The following GRM7 variants were observed in gnomAD, a reference collection of about 807,000 sequenced individuals.
The protein encoded by GRM7 is metabotropic glutamate receptor 7.
Under a neutral mutation model 84.5 loss-of-function variants are expected in GRM7, and 35 were observed. That is an observed-to-expected ratio of 0.41 (90% CI 0.32 to 0.55). GRM7 has a LOEUF of 0.55. Ranked by LOEUF, GRM7 falls within the 20% of genes least tolerant of loss-of-function variation. The pLI, the probability that GRM7 is intolerant of heterozygous loss-of-function variation, is 0.19. For synonymous variants in GRM7, 487 were observed against 455.1 expected (o/e 1.07, Z -0.89); for missense variants, 1,003 against 1,194.6 (o/e 0.84, Z 2.36).
At chr3:7,284,881 C>T (rs1235019689) in intron 2 of GRM7, among the ~76,000 whole-genome samples, 1 of 151,992 alleles carries the variant, frequency 6.6e-6, no homozygotes, top group South Asian at 2.1e-4. Context: ...GAGTTCACTT[C>T]CCTATAAAAT....
At position 7,609,845 on chromosome 3, in the gene GRM7, T is replaced by A. The variant is rs549963746; in HGVS notation, c.2451+30488T>A. 1.3e-4 allele frequency among the ~76,000 whole-genome samples: 20 copies of A among 152,264 alleles called. No homozygotes were observed. The South Asian group carries it at 2.1e-3, about 16-fold the overall frequency. ...AAACCTACTTTGACAACCACTCCTT[T>A]AAAGAAGGAAAAATAAAACAAGTGA... is the stretch of plus-strand genomic sequence containing the variant. On this transcript the variant is annotated intron_variant, in intron 8 of 9. Coordinates refer to ENST00000357716, the MANE Select transcript of GRM7 (RefSeq NM_000844.4).
chr3:6,888,718 G>C (rs866030129), intron 1 of GRM7, among the ~76,000 whole-genome samples: 389 of 152,058 alleles, frequency 2.6e-3, no homozygotes, highest in African/African-American at 8.2e-3. Flanking sequence ...GATGCGGGCT[G>C]TTTTTTGGTT....
chr3:7,199,874 C>T (rs954243732), intron 2 of GRM7, among the ~76,000 whole-genome samples: 2 of 152,138 alleles, frequency 1.3e-5, no homozygotes, highest in Admixed American at 1.3e-4. Context: ...TAACATCATG[C>T]CAGACCTTCT....
chr3:7,447,764 T>C (rs1697581078), intron 5 of GRM7, among the ~76,000 whole-genome samples: 1 of 151,868 alleles, frequency 6.6e-6, no homozygotes, highest in Admixed American at 6.6e-5. Context: ...ATTTTATTAT[T>C]ATACTTTAAG....
At chr3:7,252,928 G>A (rs1358705382) in intron 2 of GRM7, among the ~76,000 whole-genome samples, 2 of 144,980 alleles carry the variant, frequency 1.4e-5, no homozygotes, top group African/African-American at 5.1e-5. Flanking sequence ...TTGACCTCGT[G>A]ATCCACCTGC....
chr3:7,523,806 A>T (rs1700688807), intron 7 of GRM7, among the ~76,000 whole-genome samples: 2 of 152,126 alleles, frequency 1.3e-5, no homozygotes, highest in South Asian at 4.1e-4. Context: ...TTAAGGACAG[A>T]TATGGAAATG....
chr3:7,717,481 C>T (rs139478947), intron 9 of GRM7, among the ~76,000 whole-genome samples: 50 of 152,232 alleles, frequency 3.3e-4, no homozygotes, highest in African/African-American at 1.0e-3. Context: ...CTTTCAAATA[C>T]ATCATCTCTG....
chr3:7,171,376 G>A (rs1269425948), intron 2 of GRM7, among the ~76,000 whole-genome samples: 1 of 152,060 alleles, frequency 6.6e-6, no homozygotes, highest in Non-Finnish European at 1.5e-5. Context: ...TAATTTTGGA[G>A]AGATTACCTC....
intron 8 of GRM7, among the ~76,000 whole-genome samples, chr3:7,603,117 T>C (rs3804876): frequency 0.014 from 2,086 of 152,248 alleles, 48 homozygotes; most frequent in East Asian, 0.1. Flanking sequence ...GCCACCACCA[T>C]TGAATATTGC....
intron 5 of GRM7, among the ~76,000 whole-genome samples, chr3:7,438,409 G>T (rs1697147711): frequency 6.6e-6 from 1 of 151,960 alleles, no homozygotes; most frequent in Admixed American, 6.6e-5. Context: ...GTACACAGCT[G>T]AATGTATCAG....
At position 6,992,886 on chromosome 3, in the gene GRM7, AATGCAGCACCCTGTGACAC is replaced by A. The variant is rs1204767730; in HGVS notation, c.519+130981_519+130999del. On this transcript the variant is annotated intron_variant, in intron 1 of 9. Coordinates refer to ENST00000357716, the MANE Select transcript of GRM7 (RefSeq NM_000844.4). ...AGGTAGATAGCCCAGTCAATGAGACAATGCAGCACCCTGTGACACAGATCAGGGCAGAGAAAGATAGGAG... is the reference window on the plus strand; with the variant it reads ...AGGTAGATAGCCCAGTCAATGAGACAAGATCAGGGCAGAGAAAGATAGGAG... Among the ~76,000 whole-genome samples the A allele has an allele frequency of 2.0e-5, 3 of 152,360 alleles. No homozygotes were observed. The East Asian group carries it at 5.8e-4, about 29-fold the overall frequency.
intron 4 of GRM7, among the ~76,000 whole-genome samples, chr3:7,344,986 A>T: frequency 6.6e-6 from 1 of 152,256 alleles, no homozygotes; most frequent in Non-Finnish European, 1.5e-5. Context: ...TTCTGATTTG[A>T]TCATTACACA....
chr3:7,143,136 A>AT (rs1296883517), intron 1 of GRM7, among the ~76,000 whole-genome samples: 1 of 152,184 alleles, frequency 6.6e-6, no homozygotes, highest in African/African-American at 2.4e-5. Flanking sequence ...ATATCTAGAT[A>AT]TTTGAGTGAA....
At chr3:7,589,925 A>AT (rs3840239) in intron 8 of GRM7, among the ~76,000 whole-genome samples, 3,156 of 152,112 alleles carry the variant, frequency 0.021, 96 homozygotes, top group East Asian at 0.094. Flanking sequence ...ACCAACAGTG[A>AT]TTTTTTTGAT....
chr3:7,435,262 C>G (rs969823645), intron 5 of GRM7, among the ~76,000 whole-genome samples: 5 of 151,718 alleles, frequency 3.3e-5, no homozygotes, highest in African/African-American at 4.8e-5. Context: ...TTCCAGGGCT[C>G]AAGCAATTCT....
chr3:7,046,108 C>T (rs1304312550), intron 1 of GRM7, among the ~76,000 whole-genome samples: 4 of 151,998 alleles, frequency 2.6e-5, no homozygotes, highest in Admixed American at 2.0e-4. Flanking sequence ...GTTGACTTTC[C>T]CTGATAATCG....
chr3:7,668,066 C>CAATT (rs1699771682), intron 8 of GRM7, among the ~76,000 whole-genome samples: 2 of 152,046 alleles, frequency 1.3e-5, no homozygotes, highest in Non-Finnish European at 2.9e-5. Context: ...TTATTATTGA[C>CAATT]AATTATGCTT....
At chr3:7,251,049 A>G (rs1697965951) in intron 2 of GRM7, among the ~76,000 whole-genome samples, 1 of 152,156 alleles carries the variant, frequency 6.6e-6, no homozygotes, top group Non-Finnish European at 1.5e-5. Flanking sequence ...GAAGATTCTA[A>G]CAGTGGAGGG....
chr3:7,381,221 A>G (rs903324421), intron 4 of GRM7, among the ~76,000 whole-genome samples: 2 of 151,904 alleles, frequency 1.3e-5, no homozygotes, highest in African/African-American at 4.8e-5. Context: ...TATTTGTTGT[A>G]TAACTTCATT....
Sources: allele counts gnomAD v4.1 joint callset (sites outside exome capture counted in the v4.1 genomes callset), GRCh38; gene constraint gnomAD v4.1.1; transcripts MANE v1.5; gene names NCBI Gene and HGNC (gene_info 2026-07-23, HGNC 2026-07-21).